Variants in ADAMTSL1 observed in about 807,000 individuals in gnomAD.
ADAMTSL1 encodes the protein ADAMTS-like protein 1.
A neutral mutation model predicts 201.8 loss-of-function variants in ADAMTSL1; 126 were observed. That is an observed-to-expected ratio of 0.62 (90% CI 0.54 to 0.72). The LOEUF is 0.72. Ranked by LOEUF, ADAMTSL1 falls within the 30% of genes least tolerant of loss-of-function variation. The pLI is 0.00. For missense variants in ADAMTSL1, 2,679 were observed against 2,277.8 expected, an observed-to-expected ratio of 1.18 and a Z score of -3.59; for synonymous variants, 1,121 against 903.4, an observed-to-expected ratio of 1.24 and a Z score of -4.32.
At chr9:18,842,684 G>C (rs1396009355) in intron 23 of ADAMTSL1, among the ~76,000 whole-genome samples, 2 of 152,148 alleles carry the variant, frequency 1.3e-5, no homozygotes, top group Non-Finnish European at 2.9e-5. Flanking sequence ...CTCTTTGTAG[G>C]TAACTCAGGA....
chr9:18,625,448 T>C (rs575501390), intron 5 of ADAMTSL1, among the ~76,000 whole-genome samples: 1 of 152,188 alleles, frequency 6.6e-6, no homozygotes, highest in South Asian at 2.1e-4. Flanking sequence ...TAAAAGACAT[T>C]ACAATTGCCT....
chr9:18,507,503 T>C (rs1490220769), intron 2 of ADAMTSL1, among the ~76,000 whole-genome samples: 4 of 152,224 alleles, frequency 2.6e-5, no homozygotes, highest in Non-Finnish European at 5.9e-5. Flanking sequence ...TTTAAAATAT[T>C]AGTTGGTGCA....
At chr9:18,378,518 A>G (rs1837406193) in intron 2 of ADAMTSL1, among the ~76,000 whole-genome samples, 1 of 152,246 alleles carries the variant, frequency 6.6e-6, no homozygotes, top group African/African-American at 2.4e-5. Flanking sequence ...ACATCCAAAC[A>G]GAAAAATGTC....
chr9:18,124,625 T>C (rs984838688), intron 1 of ADAMTSL1, among the ~76,000 whole-genome samples: 7 of 152,108 alleles, frequency 4.6e-5, no homozygotes, highest in Non-Finnish European at 1.0e-4. Flanking sequence ...TGTGATATAG[T>C]GAGTATATAA....
At chr9:18,296,897 T>G (rs1833498814) in intron 2 of ADAMTSL1, among the ~76,000 whole-genome samples, 2 of 152,214 alleles carry the variant, frequency 1.3e-5, no homozygotes, top group Non-Finnish European at 2.9e-5. Context: ...AGGAGGACTT[T>G]GTATCTCAGA....
intron 23 of ADAMTSL1, among the ~76,000 whole-genome samples, chr9:18,867,617 T>C (rs1354967645): frequency 6.6e-6 from 1 of 152,174 alleles, no homozygotes; most frequent in East Asian, 1.9e-4. Flanking sequence ...AAAATGTATA[T>C]ACATTGAAAT....
intron 23 of ADAMTSL1, among the ~76,000 whole-genome samples, chr9:18,867,650 T>C (rs1827622383): frequency 6.6e-6 from 1 of 152,126 alleles, no homozygotes; most frequent in Non-Finnish European, 1.5e-5. Flanking sequence ...TTTTTTTAGA[T>C]GGAGTCTTGC....
chr9:18,162,085 G>T (rs571697128), intron 1 of ADAMTSL1, among the ~76,000 whole-genome samples: 1 of 152,126 alleles, frequency 6.6e-6, no homozygotes, highest in East Asian at 1.9e-4. Context: ...GTTATGGTTG[G>T]ATTCTCTGGT....
chr9:18,529,587 C>T (rs1461063553), intron 2 of ADAMTSL1, among the ~76,000 whole-genome samples: 1 of 152,136 alleles, frequency 6.6e-6, no homozygotes, highest in East Asian at 1.9e-4. Flanking sequence ...GAATACCTAA[C>T]ACTGGGCCAA....
intron 23 of ADAMTSL1, among the ~76,000 whole-genome samples, chr9:18,864,879 C>G (rs531063811): frequency 5.3e-5 from 8 of 152,196 alleles, no homozygotes; most frequent in Middle Eastern, 3.4e-3. Context: ...GAGGGGAACC[C>G]CCTGGTCTTT....
At chr9:18,744,556 T>C (rs1256092114) in intron 15 of ADAMTSL1, among the ~76,000 whole-genome samples, 1 of 152,246 alleles carries the variant, frequency 6.6e-6, no homozygotes, top group Non-Finnish European at 1.5e-5. Flanking sequence ...AAAGTTCATA[T>C]TGGCTAATAC....
At chr9:18,902,218 G>C (rs1020283663) in intron 26 of ADAMTSL1, among the ~76,000 whole-genome samples, 2 of 152,114 alleles carry the variant, frequency 1.3e-5, no homozygotes, top group African/African-American at 4.8e-5. Context: ...CAAAAGATCA[G>C]TAAAGAAACA....
intron 2 of ADAMTSL1, among the ~76,000 whole-genome samples, chr9:18,520,828 A>AATC (rs1818646154): frequency 6.6e-6 from 1 of 152,154 alleles, no homozygotes; most frequent in South Asian, 2.1e-4. Context: ...AAAAAAAATT[A>AATC]ATCTCTCCCT....
At chr9:17,917,694 T>A (rs937328967) in intron 1 of ADAMTSL1, among the ~76,000 whole-genome samples, 1 of 152,006 alleles carries the variant, frequency 6.6e-6, no homozygotes, top group Non-Finnish European at 1.5e-5. Context: ...CAATGCCGGC[T>A]TCATAGAATA....
rs76953175 is a variant in ADAMTSL1, at chr9:18,153,921, A to G, written c.88-9941A>G. Among the ~76,000 whole-genome samples, 82 of 152,184 alleles carry G rather than the reference A, an allele frequency of 5.4e-4. No homozygotes were observed. In the East Asian group the frequency reaches 0.016, roughly 29 times the overall value. On this transcript the variant is annotated intron_variant, in intron 1 of 29. Coordinates refer to the ADAMTSL1 transcript ENST00000680146. The stretch of plus-strand genomic sequence containing the variant: ...ATGGAAATATCATTACACGGCTTTA[A>G]TGTTTTCTACCCTAAAGGCAAAAGT...
chr9:18,441,050 T>G (rs918572902), intron 2 of ADAMTSL1, among the ~76,000 whole-genome samples: 3 of 152,094 alleles, frequency 2.0e-5, no homozygotes, highest in Non-Finnish European at 2.9e-5. Flanking sequence ...TTATGCTATG[T>G]GAAAGAAGCC....
intron 4 of ADAMTSL1, among the ~76,000 whole-genome samples, chr9:18,584,761 T>G (rs1823368480): frequency 6.6e-6 from 1 of 152,040 alleles, no homozygotes; most frequent in East Asian, 1.9e-4. Context: ...TTGGGAAAAT[T>G]TACTCAGTAT....
chr9:18,129,235 G>A (rs72699461), intron 1 of ADAMTSL1, among the ~76,000 whole-genome samples: 5,224 of 152,260 alleles, frequency 0.034, 127 homozygotes, highest in Non-Finnish European at 0.056. Flanking sequence ...AATCCTAAAA[G>A]TCTCTTTTGA....
intron 4 of ADAMTSL1, among the ~76,000 whole-genome samples, chr9:18,596,774 C>A (rs922370492): frequency 3.3e-5 from 5 of 152,104 alleles, no homozygotes; most frequent in Admixed American, 3.3e-4. Context: ...TGCTAAAATA[C>A]CAGAAATGCA....
Sources: allele counts gnomAD v4.1 joint callset (sites outside exome capture counted in the v4.1 genomes callset), GRCh38; gene constraint gnomAD v4.1.1; transcripts MANE v1.5; gene names NCBI Gene and HGNC (gene_info 2026-07-23, HGNC 2026-07-21).